The following TLK1 variants were observed in gnomAD, a reference collection of about 807,000 sequenced individuals.
TLK1 encodes serine/threonine-protein kinase tousled-like 1.
A neutral mutation model predicts 105.3 loss-of-function variants in TLK1; 24 were observed. The observed-to-expected ratio is 0.23, with a 90% confidence interval of 0.17 to 0.32. The LOEUF (loss-of-function observed/expected upper bound fraction) is 0.32. Ranked by LOEUF, TLK1 falls within the 10% of genes least tolerant of loss-of-function variation. TLK1 has a pLI of 1.00. For missense variants in TLK1, 558 were observed against 910.5 expected, an observed-to-expected ratio of 0.61 and a Z score of 4.98; for synonymous variants, 321 against 310.4, an observed-to-expected ratio of 1.03 and a Z score of -0.36.
chr2:171,141,317 A>G (rs1043107553), intron 1 of TLK1, among the ~76,000 whole-genome samples: 8 of 152,238 alleles, frequency 5.3e-5, no homozygotes, highest in African/African-American at 1.2e-4. Flanking sequence ...AGTAACTAAT[A>G]GAAACATTTG....
intron 1 of TLK1, among the ~76,000 whole-genome samples, chr2:171,122,199 C>T (rs1484043495): frequency 3.9e-5 from 6 of 152,180 alleles, no homozygotes; most frequent in Admixed American, 3.3e-4. Context: ...CTCTTGACCT[C>T]GTGAATTACA....
upstream of TLK1, among the ~76,000 whole-genome samples, chr2:171,162,617 G>A (rs1692533699): frequency 6.6e-6 from 1 of 152,130 alleles, no homozygotes; most frequent in Non-Finnish European, 1.5e-5. Flanking sequence ...ACTTCTACAA[G>A]GAAGATGGTG....
At chr2:171,114,220 T>C (rs1418220579) in intron 2 of TLK1, among the ~76,000 whole-genome samples, 2 of 152,280 alleles carry the variant, frequency 1.3e-5, no homozygotes, top group East Asian at 3.9e-4. Flanking sequence ...AAATGAAGAA[T>C]GATGGTGTAT....
rs1207214481 is a variant in TLK1 at position 170,993,187 on chromosome 2, A to AC, written c.*592_*593insG. 6.6e-6 allele frequency: 1 copy of AC among 152,622 alleles called. No individual in the cohort carries two copies. Among genetic ancestry groups the AC allele is most frequent in the Non-Finnish European group, 1.5e-5 (1 of 68,036 alleles). The allele number at this position is 152,622 out of a possible 1,614,324, so 9.5% of individuals were successfully genotyped here. A position where few individuals can be genotyped will look rare whatever the true frequency, so the allele number is the denominator to read the frequency against. On this transcript the variant is annotated 3_prime_UTR_variant, in exon 21 of 21. Coordinates refer to ENST00000431350, the MANE Select transcript of TLK1 (RefSeq NM_012290.5). Reference sequence around the variant, plus strand: ...TGTGATCTCGAGGTACAACTTGGTAAAAGTCTGAATAGGCAAATGACAAAG... The same window carrying AC: ...TGTGATCTCGAGGTACAACTTGGTAACAAGTCTGAATAGGCAAATGACAAAG...
At chr2:171,078,109 T>A (rs1688594445) in intron 3 of TLK1, among the ~76,000 whole-genome samples, 1 of 152,214 alleles carries the variant, frequency 6.6e-6, no homozygotes, top group Non-Finnish European at 1.5e-5. Flanking sequence ...CATCTACACT[T>A]GTTATCTTCC....
upstream of TLK1, among the ~76,000 whole-genome samples, chr2:171,161,789 T>G (rs1461755521): frequency 2.0e-5 from 3 of 152,122 alleles, no homozygotes; most frequent in African/African-American, 7.2e-5. Flanking sequence ...TTGCTAAAAT[T>G]TATAGATAGA....
chr2:171,060,940 T>C, intron 4 of TLK1, 141 bp downstream of exon 4: 1 of 706,562 alleles, frequency 1.4e-6, no homozygotes, highest in Non-Finnish European at 2.2e-6. Flanking sequence ...CTAAAAGCAA[T>C]CATTATACAC....
chr2:171,093,551 TG>T (rs1022408442), intron 2 of TLK1, among the ~76,000 whole-genome samples: 1 of 151,910 alleles, frequency 6.6e-6, no homozygotes, highest in Non-Finnish European at 1.5e-5. Context: ...AAGTACAATG[TG>T]AAGAAAAGAT....
chr2:170,999,579 C>T (rs1227911790), intron 18 of TLK1, among the ~76,000 whole-genome samples: 1 of 151,942 alleles, frequency 6.6e-6, no homozygotes, highest in Non-Finnish European at 1.5e-5. Flanking sequence ...ACCAGAGAGA[C>T]AAAACTAAAT....
At chr2:171,111,896 T>C (rs1431903222) in intron 2 of TLK1, among the ~76,000 whole-genome samples, 2 of 152,242 alleles carry the variant, frequency 1.3e-5, no homozygotes, top group South Asian at 2.1e-4. Flanking sequence ...AAAGCATATA[T>C]GTAAAAATCC....
At chr2:171,149,898 C>T (rs998465436) in intron 1 of TLK1, among the ~76,000 whole-genome samples, 1 of 151,674 alleles carries the variant, frequency 6.6e-6, no homozygotes, top group Non-Finnish European at 1.5e-5. Flanking sequence ...CAAAGTGAGA[C>T]CTTGTCTCAA....
chr2:171,167,783 A>G (rs911548246), intron 1 of TLK1, among the ~76,000 whole-genome samples: 2 of 152,192 alleles, frequency 1.3e-5, no homozygotes, highest in Non-Finnish European at 2.9e-5. Context: ...AACCAACTTC[A>G]GAACAATAAT....
chr2:170,991,702 G>C lies in TLK1; in HGVS notation c.*2078C>G, dbSNP rs1683790722. On this transcript the variant is annotated 3_prime_UTR_variant, in exon 21 of 21. Transcript: ENST00000431350. Reference sequence around the variant, plus strand: ...CTTAACTTACTGAACCTCAAAGTTAGATTTACACATTCACTTCGTATCTCC... The same window carrying C: ...CTTAACTTACTGAACCTCAAAGTTACATTTACACATTCACTTCGTATCTCC... 6.6e-6 allele frequency: 1 copy of C among 152,152 alleles called. No individual in the cohort carries two copies. Among genetic ancestry groups the C allele is most frequent in the African/African-American group, 2.4e-5 (1 of 41,440 alleles). 9.4% of individuals were successfully genotyped at this position (152,152 alleles called of 1,614,324 possible).
chr2:171,200,291 C>A (rs1390346977), intron 1 of TLK1, among the ~76,000 whole-genome samples: 1 of 152,074 alleles, frequency 6.6e-6, no homozygotes, highest in African/African-American at 2.4e-5. Context: ...TTTTTCTACC[C>A]CCCCATCCTG....
chr2:171,151,802 G>C (rs1242864300), intron 1 of TLK1, among the ~76,000 whole-genome samples: 2 of 150,812 alleles, frequency 1.3e-5, no homozygotes, highest in Non-Finnish European at 3.0e-5. Flanking sequence ...AATGAAATAA[G>C]TATCTTTAAG....
At chr2:171,029,471 C>A (rs1393168964) in intron 11 of TLK1, among the ~76,000 whole-genome samples, 2 of 151,938 alleles carry the variant, frequency 1.3e-5, no homozygotes, top group Admixed American at 1.3e-4. Context: ...CTCAATCTCC[C>A]TCACCCCCAA....
chr2:171,011,525 ACT>A lies in TLK1; in HGVS notation c.1335-73_1335-72del, dbSNP rs1684916859. On this transcript the variant is annotated intron_variant, in intron 13 of 20. Transcript: ENST00000431350. ...AAAATTCCTTCTACACTGAAGTTCT[ACT>A]CTCTTATTCTATTCCTAGCTATTTA... is the stretch of plus-strand genomic sequence containing the variant. 2.4e-6 allele frequency: 3 copies of A among 1,260,840 alleles called. No individual in the cohort carries two copies. The African/African-American group carries it at 4.5e-5, about 19-fold the overall frequency. The allele number at this position is 1,260,840 out of a possible 1,614,324, so 78.1% of individuals were successfully genotyped here.
At chr2:171,202,020 C>T (rs1341814815) in intron 1 of TLK1, among the ~76,000 whole-genome samples, 9 of 152,170 alleles carry the variant, frequency 5.9e-5, no homozygotes, top group South Asian at 4.1e-4. Context: ...CATGTAGAAA[C>T]GAGTTGGGGA....
At chr2:171,149,381 A>C (rs1294227374) in intron 1 of TLK1, among the ~76,000 whole-genome samples, 1 of 152,172 alleles carries the variant, frequency 6.6e-6, no homozygotes, top group African/African-American at 2.4e-5. Context: ...ATCTACAGAT[A>C]AGGCATTGAG....
Sources: allele counts gnomAD v4.1 joint callset (sites outside exome capture counted in the v4.1 genomes callset), GRCh38; gene constraint gnomAD v4.1.1; transcripts MANE v1.5; gene names NCBI Gene and HGNC (gene_info 2026-07-23, HGNC 2026-07-21).